The following RANBP2 variants were observed in gnomAD, a reference collection of about 807,000 sequenced individuals.
RANBP2 encodes the protein RAN binding protein 2.
RANBP2 carries 57 observed loss-of-function variants against 303.6 expected under a neutral mutation model. That is an observed-to-expected ratio of 0.19 (90% CI 0.15 to 0.23). The LOEUF is 0.23. Ranked by LOEUF, RANBP2 falls within the 10% of genes least tolerant of loss-of-function variation. The probability of loss-of-function intolerance (pLI) is 1.00; values close to 1 mark genes in which losing one functional copy is unlikely to be tolerated. For synonymous variants in RANBP2, 1,167 were observed against 1,301.5 expected, an observed-to-expected ratio of 0.90 and a Z score of 2.23; for missense variants, 3,138 against 3,780.8, an observed-to-expected ratio of 0.83 and a Z score of 4.46.
At chr2:108,795,410 G>A in the RANBP2 span, among the ~76,000 whole-genome samples, 1 of 152,140 alleles carries the variant, frequency 6.6e-6, no homozygotes, top group South Asian at 2.1e-4. Context: ...CCCCCACTTG[G>A]CCTCCCAAAG....
At chr2:109,733,406 G>A in the RANBP2 span, among the ~76,000 whole-genome samples, 12 of 151,640 alleles carry the variant, frequency 7.9e-5, no homozygotes, top group Admixed American at 1.3e-4. Flanking sequence ...CAGCAAATTA[G>A]GAACAGAGGG....
chr2:109,396,971 C>T, the RANBP2 span, among the ~76,000 whole-genome samples: 2 of 152,214 alleles, frequency 1.3e-5, no homozygotes, highest in Non-Finnish European at 2.9e-5. Flanking sequence ...ACTGCTGAGT[C>T]CCGTTTTTCC....
the RANBP2 span, among the ~76,000 whole-genome samples, chr2:109,755,198 T>C: frequency 2.7e-4 from 27 of 99,132 alleles, 3 homozygotes; most frequent in African/African-American, 1.2e-3. Flanking sequence ...CACACCTTGG[T>C]GGGGGGGGGC....
At chr2:108,818,265 C>G in the RANBP2 span, among the ~76,000 whole-genome samples, 1 of 152,068 alleles carries the variant, frequency 6.6e-6, no homozygotes, top group Non-Finnish European at 1.5e-5. Context: ...CGTGATTGTA[C>G]CACTGTACTC....
the RANBP2 span, among the ~76,000 whole-genome samples, chr2:109,114,309 A>C: frequency 6.6e-6 from 1 of 152,130 alleles, no homozygotes; most frequent in East Asian, 1.9e-4. Context: ...ACAATTTCAG[A>C]GCCTGTTATT....
chr2:109,218,898 A>G, the RANBP2 span, among the ~76,000 whole-genome samples: 2 of 152,242 alleles, frequency 1.3e-5, no homozygotes. Flanking sequence ...GTGGAGAAAG[A>G]CAAGAACCAG....
the RANBP2 span, among the ~76,000 whole-genome samples, chr2:108,869,767 T>G: frequency 6.6e-6 from 1 of 152,002 alleles, no homozygotes; most frequent in Admixed American, 6.6e-5. Flanking sequence ...TTAAGCACAC[T>G]CCCTACACCG....
the RANBP2 span, among the ~76,000 whole-genome samples, chr2:109,116,669 G>T: frequency 6.6e-6 from 1 of 152,326 alleles, no homozygotes; most frequent in African/African-American, 2.4e-5. Flanking sequence ...TTCCATTGCT[G>T]GTGAGGAACT....
the RANBP2 span, among the ~76,000 whole-genome samples, chr2:109,286,693 G>A: frequency 1.3e-5 from 2 of 152,172 alleles, no homozygotes; most frequent in African/African-American, 4.8e-5. Context: ...TCATCTGCTA[G>A]CAAAACCTGC....
the RANBP2 span, among the ~76,000 whole-genome samples, chr2:108,935,646 T>TCA: frequency 0.021 from 3,185 of 151,762 alleles, 44 homozygotes; most frequent in African/African-American, 0.038. Flanking sequence ...GCACCCCTTT[T>TCA]CACACACACA....
At chr2:108,981,410 C>T in the RANBP2 span, among the ~76,000 whole-genome samples, 6 of 152,180 alleles carry the variant, frequency 3.9e-5, no homozygotes, top group African/African-American at 1.2e-4. Flanking sequence ...CGTCTTAGGT[C>T]TGGTATGACT....
At chr2:109,634,098 C>T in the RANBP2 span, among the ~76,000 whole-genome samples, 27 of 106,654 alleles carry the variant, frequency 2.5e-4, no homozygotes, top group African/African-American at 7.4e-4. Context: ...CCAACCTGGG[C>T]GACAGAGTGA....
chr2:109,055,370 T>TC, the RANBP2 span, among the ~76,000 whole-genome samples: 3 of 148,428 alleles, frequency 2.0e-5, no homozygotes, highest in South Asian at 2.1e-4. Context: ...TCTTTTCTTT[T>TC]TTTTTTTTTT....
chr2:109,123,356 TTC>T, the RANBP2 span, among the ~76,000 whole-genome samples: 1 of 139,290 alleles, frequency 7.2e-6, no homozygotes, highest in Admixed American at 6.9e-5. Context: ...CCTTCCTTCC[TTC>T]CTTCCTTCCT....
At chr2:109,079,599 A>T in the RANBP2 span, among the ~76,000 whole-genome samples, 1 of 152,242 alleles carries the variant, frequency 6.6e-6, no homozygotes, top group Non-Finnish European at 1.5e-5. Flanking sequence ...GAGCCATCAG[A>T]TGGCACAGCT....
At chr2:109,016,548 C>T in the RANBP2 span, among the ~76,000 whole-genome samples, 1 of 152,212 alleles carries the variant, frequency 6.6e-6, no homozygotes, top group Non-Finnish European at 1.5e-5. Context: ...CATGCCAGTC[C>T]TGATCCTAGG....
the RANBP2 span, among the ~76,000 whole-genome samples, chr2:109,270,121 C>T: frequency 4.3e-4 from 66 of 152,250 alleles, no homozygotes; most frequent in African/African-American, 1.5e-3. Flanking sequence ...CCCAACCACC[C>T]TCCTCCCAGC....
chr2:109,067,941 G>A, the RANBP2 span, among the ~76,000 whole-genome samples: 1 of 152,160 alleles, frequency 6.6e-6, no homozygotes, highest in Non-Finnish European at 1.5e-5. Context: ...CCAGCTGCTG[G>A]GTGGAGGCTG....
At chr2:109,510,415 G>A in the RANBP2 span, among the ~76,000 whole-genome samples, 1 of 152,206 alleles carries the variant, frequency 6.6e-6, no homozygotes, top group Admixed American at 6.5e-5. Context: ...GAGGGCATGT[G>A]GGGGAGCAGA....
Sources: allele counts gnomAD v4.1 joint callset (sites outside exome capture counted in the v4.1 genomes callset), GRCh38; gene constraint gnomAD v4.1.1; transcripts MANE v1.5; gene names NCBI Gene and HGNC (gene_info 2026-07-23, HGNC 2026-07-21).